Variants in NIM1K observed in about 807,000 individuals in gnomAD.
The protein encoded by NIM1K is NIM1 serine/threonine protein kinase, also known as serine/threonine-protein kinase NIM1.
Under a neutral mutation model 37.1 loss-of-function variants are expected in NIM1K, and 35 were observed. That is an observed-to-expected ratio of 0.94 (90% CI 0.72 to 1.25). NIM1K has a LOEUF of 1.25. Ranked by LOEUF, NIM1K falls within the 50% of genes most tolerant of loss-of-function variation. The probability of loss-of-function intolerance (pLI) is 0.00; values close to 1 mark genes in which losing one functional copy is unlikely to be tolerated. For synonymous variants in NIM1K, 234 were observed against 206.6 expected (o/e 1.13, Z -1.14); for missense variants, 564 against 548.0 (o/e 1.03, Z -0.29).
chr5:43,234,529 CT>C (rs1262197552), intron 1 of NIM1K, among the ~76,000 whole-genome samples: 1 of 152,100 alleles, frequency 6.6e-6, no homozygotes, highest in Non-Finnish European at 1.5e-5. Flanking sequence ...TACTTCATGC[CT>C]GTATTCCCAG....
At chr5:43,253,663 G>GT (rs756961168) in intron 2 of NIM1K, among the ~76,000 whole-genome samples, 2,222 of 143,668 alleles carry the variant, frequency 0.015, 13 homozygotes, top group African/African-American at 0.02. Context: ...CTACTGAAGA[G>GT]TTTTTTTTTT....
intron 2 of NIM1K, among the ~76,000 whole-genome samples, chr5:43,248,932 T>A (rs2112266598): frequency 6.6e-6 from 1 of 151,896 alleles, no homozygotes; most frequent in East Asian, 1.9e-4. Flanking sequence ...TGGAGTGCAA[T>A]GGCGTGATCT....
intron 1 of NIM1K, among the ~76,000 whole-genome samples, chr5:43,221,899 C>A (rs907850215): frequency 2.6e-5 from 4 of 152,220 alleles, no homozygotes; most frequent in African/African-American, 9.6e-5. Flanking sequence ...TCCTTGAGGA[C>A]AGGAACTATG....
chr5:43,260,772 G>A (rs928581666), intron 2 of NIM1K, among the ~76,000 whole-genome samples: 1 of 148,774 alleles, frequency 6.7e-6, no homozygotes, highest in Admixed American at 6.7e-5. Flanking sequence ...TCCCCCACCC[G>A]ACGACAGGCC....
At chr5:43,236,551 C>A (rs976946126) in intron 1 of NIM1K, among the ~76,000 whole-genome samples, 1 of 152,230 alleles carries the variant, frequency 6.6e-6, no homozygotes, top group Non-Finnish European at 1.5e-5. Context: ...CGAAAGTAAA[C>A]CTGCATTCTG....
intron 3 of NIM1K, among the ~76,000 whole-genome samples, chr5:43,277,805 TGTGTGTGTGTGA>T (rs1284024431): frequency 9.7e-4 from 145 of 149,582 alleles, no homozygotes; most frequent in Non-Finnish European, 1.3e-3. Context: ...TGTGTGTGTG[TGTGTGTGTGTGA>T]GAGAGAGAGA....
intron 1 of NIM1K, among the ~76,000 whole-genome samples, chr5:43,208,157 G>T (rs2112212786): frequency 6.6e-6 from 1 of 152,188 alleles, no homozygotes; most frequent in South Asian, 2.1e-4. Context: ...TTGGAGGAAT[G>T]AACATCGTTG....
chr5:43,273,488 T>C (rs1753289970), intron 2 of NIM1K, among the ~76,000 whole-genome samples: 1 of 152,290 alleles, frequency 6.6e-6, no homozygotes, highest in African/African-American at 2.4e-5. Context: ...GGATTACAGG[T>C]GTGAGGCATC....
intron 2 of NIM1K, among the ~76,000 whole-genome samples, chr5:43,260,186 A>G (rs534552360): frequency 1.3e-5 from 2 of 152,270 alleles, no homozygotes; most frequent in South Asian, 2.1e-4. Context: ...AGATGGTTTG[A>G]CTTTCCCTTT....
At position 43,252,681 on chromosome 5, in the gene NIM1K, A is replaced by G. The variant is rs1234846488; in HGVS notation, c.292+6614A>G. ...GCTGGGGTTTATTTTTATAGCTCACAGTTTGGAATTCCCTTGGGCTCTCCA... is the reference window on the plus strand; with the variant it reads ...GCTGGGGTTTATTTTTATAGCTCACGGTTTGGAATTCCCTTGGGCTCTCCA... On this transcript the variant is annotated intron_variant, in intron 2 of 3. Transcript: ENST00000326035. Among the ~76,000 whole-genome samples the G allele has an allele frequency of 2.6e-5, 4 of 152,204 alleles. No individual in the cohort carries two copies. The South Asian group carries it at 6.2e-4, about 24-fold the overall frequency.
chr5:43,242,754 A>C (rs1752722735), intron 1 of NIM1K: 1 of 150,622 alleles, frequency 6.6e-6, no homozygotes, highest in Admixed American at 6.6e-5. Flanking sequence ...ACTGTGCAGA[A>C]CTCCCAGAGA....
intron 1 of NIM1K, chr5:43,192,735 C>T (rs972217930): frequency 6.6e-6 from 1 of 152,292 alleles, no homozygotes; most frequent in Non-Finnish European, 1.5e-5. Context: ...TATGTGCGCG[C>T]GTGTGTGCAC....
intron 1 of NIM1K, chr5:43,206,840 T>C: frequency 1.3e-6 from 1 of 767,624 alleles, no homozygotes; most frequent in Non-Finnish European, 2.4e-6. Context: ...GGAAGGACCA[T>C]GGCTATTTAG....
Position 43,236,293 on chromosome 5 carries a change from C to T in NIM1K, c.-694-8789C>T, listed in dbSNP as rs190062336. Among the ~76,000 whole-genome samples, 353 of 151,536 alleles carry T rather than the reference C, an allele frequency of 2.3e-3. 1 individual carries two copies. The highest frequency in any genetic ancestry group is 2.0e-3 in the Non-Finnish European group (139 of 67,806). Reference sequence around the variant, plus strand: ...CAAAAAACAAAACAAAATTTAAAAACCACCAAAAAAACATAAACATTAAAA... The same window carrying T: ...CAAAAAACAAAACAAAATTTAAAAATCACCAAAAAAACATAAACATTAAAA... On this transcript the variant is annotated intron_variant, in intron 1 of 3. Coordinates refer to ENST00000326035, the MANE Select transcript of NIM1K (RefSeq NM_153361.4).
chr5:43,230,481 G>A (rs1013870062), intron 1 of NIM1K, among the ~76,000 whole-genome samples: 2 of 152,066 alleles, frequency 1.3e-5, no homozygotes, highest in Non-Finnish European at 2.9e-5. Flanking sequence ...CTAAACTATA[G>A]CCAAAACTGG....
At chr5:43,258,334 A>G (rs925366939) in intron 2 of NIM1K, among the ~76,000 whole-genome samples, 1 of 152,170 alleles carries the variant, frequency 6.6e-6, no homozygotes, top group South Asian at 2.1e-4. Flanking sequence ...TAGTACCACA[A>G]TTTATTTATC....
intron 2 of NIM1K, among the ~76,000 whole-genome samples, chr5:43,274,072 A>G (rs1418998027): frequency 2.0e-5 from 3 of 152,120 alleles, no homozygotes; most frequent in African/African-American, 7.2e-5. Context: ...TCATACATTT[A>G]TATTATGAGG....
chr5:43,254,725 A>G (rs981445065), intron 2 of NIM1K, among the ~76,000 whole-genome samples: 5 of 152,236 alleles, frequency 3.3e-5, no homozygotes, highest in African/African-American at 7.2e-5. Context: ...AGATAGCCCA[A>G]TGGTTTTGTC....
At chr5:43,276,416 A>C (rs1753341553) in intron 2 of NIM1K, among the ~76,000 whole-genome samples, 1 of 152,244 alleles carries the variant, frequency 6.6e-6, no homozygotes, top group African/African-American at 2.4e-5. Flanking sequence ...ACTCAGAGCG[A>C]GAGCTCACTT....
Sources: gnomAD v4.1 joint callset for allele counts (sites outside exome capture counted in the v4.1 genomes callset) on GRCh38, gnomAD v4.1.1 for gene constraint, MANE v1.5 for transcripts, NCBI Gene and HGNC (gene_info 2026-07-23, HGNC 2026-07-21) for gene names.